ABI3BP: variants seen among roughly 807,000 people sequenced by gnomAD.
ABI3BP encodes the protein ABI family member 3 binding protein, also known as target of Nesh-SH3.
In ABI3BP, 216 loss-of-function variants were observed where a neutral mutation model predicts 268.6. The ratio of observed to expected loss-of-function variants is 0.80; its 90% CI spans 0.72 to 0.90. The LOEUF is 0.90. ABI3BP is among the 40% of genes least tolerant of loss of function. The probability of loss-of-function intolerance (pLI) is 0.00; values close to 1 mark genes in which losing one functional copy is unlikely to be tolerated. For synonymous variants in ABI3BP, 730 were observed against 730.0 expected (o/e 1.00, Z 0.00); for missense variants, 2,090 against 2,182.4 (o/e 0.96, Z 0.84).
intron 1 of ABI3BP, among the ~76,000 whole-genome samples, chr3:100,951,455 T>C (rs2074971483): frequency 1.3e-5 from 2 of 152,052 alleles, no homozygotes; most frequent in Admixed American, 6.5e-5. Context: ...ATAACTTAGC[T>C]GCTAACTAGT....
chr3:100,828,357 A>G, intron 34 of ABI3BP, 36 bp downstream of exon 34: 3 of 1,511,254 alleles, frequency 2.0e-6, no homozygotes, highest in South Asian at 2.4e-5. Context: ...CAGTGAGCAG[A>G]AAAAGCACTT....
chr3:100,893,324 C>T (rs1002789563), intron 4 of ABI3BP, among the ~76,000 whole-genome samples: 6 of 152,070 alleles, frequency 3.9e-5, no homozygotes, highest in African/African-American at 9.7e-5. Context: ...AGCTTGCAGA[C>T]GGCCTGTTAT....
At chr3:100,973,213 T>G (rs2084514646) in intron 1 of ABI3BP, among the ~76,000 whole-genome samples, 1 of 152,154 alleles carries the variant, frequency 6.6e-6, no homozygotes, top group African/African-American at 2.4e-5. Flanking sequence ...GGCCATGAAT[T>G]CAATGTTAAT....
intron 48 of ABI3BP, 99 bp from the exon 49 acceptor site, chr3:100,810,576 TAAAG>T (rs1442859387): frequency 9.9e-6 from 8 of 810,406 alleles, no homozygotes; most frequent in Non-Finnish European, 1.5e-5. Context: ...TTTTTTAAAA[TAAAG>T]AAAATTGCAA....
At chr3:100,881,937 A>C (rs910108952) in intron 6 of ABI3BP, among the ~76,000 whole-genome samples, 5 of 152,206 alleles carry the variant, frequency 3.3e-5, no homozygotes, top group African/African-American at 1.2e-4. Context: ...AGCAGAACAC[A>C]TATCTAGATA....
At chr3:100,933,649 A>G (rs866627267) in intron 1 of ABI3BP, among the ~76,000 whole-genome samples, 1 of 150,460 alleles carries the variant, frequency 6.6e-6, no homozygotes, top group Non-Finnish European at 1.5e-5. Context: ...ATATATATCT[A>G]TTGAAGGACT....
At position 100,749,691 on chromosome 3, in the gene ABI3BP, C is replaced by T. The variant is rs1323869930; in HGVS notation, c.*804G>A. 4 of 398,388 alleles carry T rather than the reference C, an allele frequency of 1.0e-5. No homozygotes were observed. Among genetic ancestry groups the T allele is most frequent in the African/African-American group, 8.2e-5 (4 of 48,578 alleles). 24.7% of individuals were successfully genotyped at this position (398,388 alleles called of 1,614,324 possible). A position where few individuals can be genotyped will look rare whatever the true frequency, so the allele number is the denominator to read the frequency against. Reference sequence around the variant, plus strand: ...CTTTTTGTGCTCAGACTTGACTTCACATTCAGTCTCTACATACAGCTTGAT... The same window carrying T: ...CTTTTTGTGCTCAGACTTGACTTCATATTCAGTCTCTACATACAGCTTGAT... On this transcript the variant is annotated 3_prime_UTR_variant, in exon 68 of 68. Transcript: ENST00000471714.
At chr3:100,814,715 T>C (rs1344973108) in intron 44 of ABI3BP, among the ~76,000 whole-genome samples, 2 of 152,106 alleles carry the variant, frequency 1.3e-5, no homozygotes, top group Non-Finnish European at 2.9e-5. Context: ...ACTGTTAATA[T>C]GGTGTTGGGT....
chr3:100,846,623 GTAGT>G (rs924667631), intron 19 of ABI3BP, 177 bp from the exon 20 acceptor site: 5 of 456,256 alleles, frequency 1.1e-5, no homozygotes, highest in Non-Finnish European at 1.9e-5. Flanking sequence ...TCACAGAGAA[GTAGT>G]TAATTTTATC....
intron 22 of ABI3BP, 135 bp downstream of exon 22, chr3:100,840,685 T>G: frequency 1.4e-6 from 1 of 707,386 alleles, no homozygotes; most frequent in Non-Finnish European, 2.1e-6. Flanking sequence ...TAACTTTTTT[T>G]TCTGAAGAAC....
Position 100,829,566 on chromosome 3 carries a change from G to T in ABI3BP, c.2542+15C>A. On this transcript the variant is annotated intron_variant, in intron 33 of 67. Coordinates refer to ENST00000471714, the MANE Select transcript of ABI3BP (RefSeq NM_001375547.2). Reference sequence around the variant, plus strand: ...TGGGCTGTTAGGATTCCTCAAGCATGACCTACAAATTTACCCAGTTCAGTC... The same window carrying T: ...TGGGCTGTTAGGATTCCTCAAGCATTACCTACAAATTTACCCAGTTCAGTC... 2 of 1,532,348 alleles carry T rather than the reference G, an allele frequency of 1.3e-6. No individual in the cohort carries two copies. Among genetic ancestry groups the T allele is most frequent in the South Asian group, 1.2e-5 (1 of 83,914 alleles). 94.9% of individuals were successfully genotyped at this position (1,532,348 alleles called of 1,614,324 possible). A position where few individuals can be genotyped will look rare whatever the true frequency, so the allele number is the denominator to read the frequency against.
Position 100,933,841 on chromosome 3 carries a change from A to G in ABI3BP, c.80-7360T>C, listed in dbSNP as rs911353865. On this transcript the variant is annotated intron_variant, in intron 1 of 67. Transcript: ENST00000471714. ...TTGTCTGTAACGGGTCAGATAGTAA[A>G]TATTTTAGGTTTGTCAGGACAGATG... Among the ~76,000 whole-genome samples, 7 of 151,878 alleles carry G rather than the reference A, an allele frequency of 4.6e-5. 1 individual carries two copies. In the South Asian group the frequency reaches 8.3e-4, roughly 18 times the overall value.
chr3:100,894,255 T>C (rs2046112502), intron 4 of ABI3BP, among the ~76,000 whole-genome samples: 1 of 152,192 alleles, frequency 6.6e-6, no homozygotes, highest in Admixed American at 6.5e-5. Context: ...GATACTACTT[T>C]AGAAAGCAAT....
In ABI3BP at chr3:100,830,663, G is replaced by C. The variant is rs567673749; in HGVS notation, c.2402-29C>G. 60 of 1,508,952 alleles carry C rather than the reference G, an allele frequency of 4.0e-5. No individual in the cohort carries two copies. The African/African-American group carries it at 7.2e-4, about 18-fold the overall frequency. 93.5% of individuals were successfully genotyped at this position (1,508,952 alleles called of 1,614,324 possible). On this transcript the variant is annotated intron_variant, in intron 31 of 67. Transcript: ENST00000471714. Reference sequence around the variant, plus strand: ...ATCAAAAGTAATAAAAGAAACCAAAGAGATTTTGTGAATGCATGAAATGTT... The same window carrying C: ...ATCAAAAGTAATAAAAGAAACCAAACAGATTTTGTGAATGCATGAAATGTT...
At chr3:100,827,720 A>G (rs1234405147) in intron 34 of ABI3BP, among the ~76,000 whole-genome samples, 2 of 152,110 alleles carry the variant, frequency 1.3e-5, no homozygotes, top group African/African-American at 4.8e-5. Flanking sequence ...AAAGATGCAA[A>G]TTTGACAGAT....
intron 1 of ABI3BP, among the ~76,000 whole-genome samples, chr3:100,936,964 T>A (rs919658262): frequency 2.6e-5 from 4 of 152,136 alleles, no homozygotes; most frequent in African/African-American, 9.7e-5. Context: ...GGGTTTTTCA[T>A]GTCTCTGTCT....
At chr3:100,854,117 G>A (rs1272718821) in intron 14 of ABI3BP, among the ~76,000 whole-genome samples, 5 of 151,566 alleles carry the variant, frequency 3.3e-5, no homozygotes, top group Admixed American at 6.6e-5. Flanking sequence ...TTGGGAGGCC[G>A]AGGCGGGTAA....
At chr3:100,820,335 G>A (rs2098182664) in intron 39 of ABI3BP, 32 bp from the exon 40 acceptor site, 1 of 1,507,486 alleles carries the variant, frequency 6.6e-7, no homozygotes, top group Non-Finnish European at 8.9e-7. Flanking sequence ...TTACTACAGA[G>A]TCCGTAGCTC....
intron 1 of ABI3BP, among the ~76,000 whole-genome samples, chr3:100,956,087 C>T (rs763455411): frequency 1.3e-5 from 2 of 151,730 alleles, no homozygotes; most frequent in Non-Finnish European, 2.9e-5. Context: ...ACTTGGGAGG[C>T]TGAGGCAGGG....
Sources: gnomAD v4.1 joint callset for allele counts (sites outside exome capture counted in the v4.1 genomes callset) on GRCh38, gnomAD v4.1.1 for gene constraint, MANE v1.5 for transcripts, NCBI Gene and HGNC (gene_info 2026-07-23, HGNC 2026-07-21) for gene names.